Variants in ZMAT4 observed in about 807,000 individuals in gnomAD.
ZMAT4 encodes zinc finger matrin-type protein 4.
Under a neutral mutation model 28.7 loss-of-function variants are expected in ZMAT4, and 17 were observed. The ratio of observed to expected loss-of-function variants is 0.59; its 90% CI spans 0.41 to 0.89. The LOEUF is 0.89. Ranked by LOEUF, ZMAT4 falls within the 40% of genes least tolerant of loss-of-function variation. ZMAT4 has a pLI of 0.00. For missense variants in ZMAT4, 240 were observed against 283.8 expected, an observed-to-expected ratio of 0.85 and a Z score of 1.11; for synonymous variants, 117 against 109.2, an observed-to-expected ratio of 1.07 and a Z score of -0.44.
intron 4 of ZMAT4, among the ~76,000 whole-genome samples, chr8:40,695,068 G>A (rs1190392141): frequency 6.6e-6 from 1 of 152,134 alleles, no homozygotes; most frequent in Non-Finnish European, 1.5e-5. Context: ...TTCCCTTTTT[G>A]TGCAATCATA....
At chr8:40,850,880 G>A (rs2150635169) in intron 1 of ZMAT4, among the ~76,000 whole-genome samples, 1 of 152,230 alleles carries the variant, frequency 6.6e-6, no homozygotes, top group Non-Finnish European at 1.5e-5. Context: ...AAATCATTGA[G>A]ATTTCAAAAG....
intron 3 of ZMAT4, among the ~76,000 whole-genome samples, chr8:40,736,008 T>C (rs1391828794): frequency 2.0e-5 from 3 of 152,158 alleles, no homozygotes; most frequent in Non-Finnish European, 4.4e-5. Flanking sequence ...TATTTAGGAA[T>C]GCAGATAAGA....
In ZMAT4 at chr8:40,552,910, T is replaced by A. The variant is rs569698012; in HGVS notation, c.675-20672A>T. ...CTTGCTTCTAACAAATAGAAAAAAA[T>A]GTAGTAGCCACTTATGCCTAGTGTT... On this transcript the variant is annotated intron_variant, in intron 6 of 6. Coordinates refer to ENST00000297737, the MANE Select transcript of ZMAT4 (RefSeq NM_024645.3). Among the ~76,000 whole-genome samples the A allele has an allele frequency of 7.2e-5, 11 of 152,082 alleles. No individual in the cohort carries two copies. The South Asian group carries it at 2.1e-3, about 29-fold the overall frequency.
At chr8:40,583,411 G>A (rs140824787) in intron 5 of ZMAT4, among the ~76,000 whole-genome samples, 146 of 152,232 alleles carry the variant, frequency 9.6e-4, no homozygotes, top group African/African-American at 3.3e-3. Context: ...CTACCCAAAA[G>A]GGCTGCCTGA....
chr8:40,808,414 CT>C (rs1439656175), intron 2 of ZMAT4: 1 of 333,350 alleles, frequency 3.0e-6, no homozygotes, highest in Non-Finnish European at 5.9e-6. Context: ...CATATTTTGG[CT>C]TTTTATTACA....
At chr8:40,670,995 G>T (rs1341542783) in intron 5 of ZMAT4, among the ~76,000 whole-genome samples, 1 of 151,720 alleles carries the variant, frequency 6.6e-6, no homozygotes, top group East Asian at 1.9e-4. Context: ...TTGAACCTGG[G>T]AGGCAGAGGT....
chr8:40,684,064 T>A (rs529864261), intron 4 of ZMAT4, among the ~76,000 whole-genome samples: 3 of 150,196 alleles, frequency 2.0e-5, no homozygotes, highest in African/African-American at 7.5e-5. Context: ...AGATCCCGTC[T>A]TAGAAAAAAA....
chr8:40,881,719 C>T (rs1818283032), intron 1 of ZMAT4, among the ~76,000 whole-genome samples: 4 of 152,054 alleles, frequency 2.6e-5, no homozygotes, highest in Admixed American at 2.6e-4. Context: ...AACAGCTCTC[C>T]CCAAAGCCCA....
At position 40,710,844 on chromosome 8, in the gene ZMAT4, G is replaced by C. The variant is rs558487424; in HGVS notation, c.193-13443C>G. ...CCTCCAGGCTGGAGTGCAGTGGCGC[G>C]ATCTCGGCTCACTGCAACCTCCACC... On this transcript the variant is annotated intron_variant, in intron 3 of 6. Coordinates refer to ENST00000297737, the MANE Select transcript of ZMAT4 (RefSeq NM_024645.3). 2.0e-5 allele frequency among the ~76,000 whole-genome samples: 3 copies of C among 151,866 alleles called. No individual in the cohort carries two copies. In the East Asian group the frequency reaches 5.8e-4, roughly 30 times the overall value.
chr8:40,832,385 C>T (rs1816315363), intron 1 of ZMAT4, among the ~76,000 whole-genome samples: 1 of 152,158 alleles, frequency 6.6e-6, no homozygotes, highest in South Asian at 2.1e-4. Flanking sequence ...CACAATTCTG[C>T]ACCTCTGCAA....
chr8:40,829,842 C>G (rs1050869549), intron 1 of ZMAT4, among the ~76,000 whole-genome samples: 2 of 152,126 alleles, frequency 1.3e-5, no homozygotes. Context: ...GAAGCTAATT[C>G]TTTTCCCTGG....
intron 1 of ZMAT4, among the ~76,000 whole-genome samples, chr8:40,896,090 A>AT (rs1563273033): frequency 1.3e-5 from 2 of 152,314 alleles, no homozygotes; most frequent in African/African-American, 2.4e-5. Flanking sequence ...GTGGGCAGGC[A>AT]TTTTTTTAAC....
At chr8:40,609,527 A>G (rs938240748) in intron 5 of ZMAT4, among the ~76,000 whole-genome samples, 1 of 152,132 alleles carries the variant, frequency 6.6e-6, no homozygotes, top group South Asian at 2.1e-4. Context: ...AAGGCTCTCC[A>G]TTTTCTCCCT....
intron 1 of ZMAT4, among the ~76,000 whole-genome samples, chr8:40,852,013 C>A (rs112021836): frequency 0.097 from 14,796 of 152,174 alleles, 809 homozygotes; most frequent in Non-Finnish European, 0.12. Context: ...TTTCATGCCT[C>A]AGCCTCCCAA....
intron 5 of ZMAT4, among the ~76,000 whole-genome samples, chr8:40,611,876 C>A (rs1805809161): frequency 6.6e-6 from 1 of 152,122 alleles, no homozygotes; most frequent in Non-Finnish European, 1.5e-5. Context: ...TTTCATTTCA[C>A]AGAAAAAATG....
chr8:40,578,461 CA>C (rs1281750922), intron 6 of ZMAT4, among the ~76,000 whole-genome samples: 2 of 151,868 alleles, frequency 1.3e-5, no homozygotes, highest in African/African-American at 2.4e-5. Flanking sequence ...AAATAGCACT[CA>C]AAAAAATTTA....
chr8:40,806,963 A>T (rs1446702002), intron 2 of ZMAT4, among the ~76,000 whole-genome samples: 1 of 151,826 alleles, frequency 6.6e-6, no homozygotes, highest in African/African-American at 2.4e-5. Flanking sequence ...CAAGTCACCC[A>T]CCTTTAGGAT....
At chr8:40,830,640 T>G (rs1238432007) in intron 1 of ZMAT4, among the ~76,000 whole-genome samples, 1 of 152,216 alleles carries the variant, frequency 6.6e-6, no homozygotes, top group African/African-American at 2.4e-5. Context: ...GCAATGAACA[T>G]GTAAGTGCAG....
intron 1 of ZMAT4, among the ~76,000 whole-genome samples, chr8:40,829,429 G>C (rs893222673): frequency 6.6e-6 from 1 of 152,196 alleles, no homozygotes; most frequent in Non-Finnish European, 1.5e-5. Context: ...ACATTTTCAC[G>C]TGCTGTCCGG....
Sources: allele counts gnomAD v4.1 joint callset (sites outside exome capture counted in the v4.1 genomes callset), GRCh38; gene constraint gnomAD v4.1.1; transcripts MANE v1.5; gene names NCBI Gene and HGNC (gene_info 2026-07-23, HGNC 2026-07-21).